Variants in RGPD1 observed in about 807,000 individuals in gnomAD.
The protein encoded by RGPD1 is RANBP2-like and GRIP domain-containing protein 1.
In RGPD1, 7 loss-of-function variants were observed where a neutral mutation model predicts 40.6. That is an observed-to-expected ratio of 0.17 (90% CI 0.10 to 0.32). RGPD1 has a LOEUF of 0.32. Among genes scored for constraint, RGPD1 ranks in the 10% least tolerant of loss-of-function variants. The pLI is 1.00. For missense variants in RGPD1, 50 were observed against 472.5 expected, an observed-to-expected ratio of 0.11 and a Z score of 8.29; for synonymous variants, 24 against 167.0, an observed-to-expected ratio of 0.14 and a Z score of 6.60.
chr2:86,913,697 A>G (rs1024097942), upstream of RGPD1: 237 of 1,326,746 alleles, frequency 1.8e-4, 2 homozygotes, highest in Non-Finnish European at 2.2e-4. Context: ...GACGTCGCCA[A>G]GGATACACAG....
chr2:86,944,883 C>T (rs1445759093), intron 1 of RGPD1, among the ~76,000 whole-genome samples: 3 of 151,378 alleles, frequency 2.0e-5, no homozygotes, highest in Admixed American at 6.6e-5. Flanking sequence ...CCACCATGCC[C>T]GGCTTTTTTC....
chr2:87,007,190 TTTG>T (rs201108203), intron 22 of RGPD1, among the ~76,000 whole-genome samples: 926 of 70,174 alleles, frequency 0.013, 2 homozygotes, highest in African/African-American at 0.036. Flanking sequence ...TTAATTTGTT[TTTG>T]TTGTTGTTGT....
chr2:86,929,333 C>T (rs564919703), intron 1 of RGPD1, among the ~76,000 whole-genome samples: 56 of 151,346 alleles, frequency 3.7e-4, no homozygotes, highest in African/African-American at 1.3e-3. Context: ...TCAGAGCGGC[C>T]GGAGAACTCT....
At chr2:86,942,575 G>T (rs1191014250) in intron 1 of RGPD1, among the ~76,000 whole-genome samples, 3 of 135,970 alleles carry the variant, frequency 2.2e-5, no homozygotes, top group Non-Finnish European at 1.6e-5. Flanking sequence ...CCCGGCGGCG[G>T]CCTCGATGGC....
rs1175704937 is a variant in RGPD1, at chr2:86,914,418, GGGCGGCGGC to G, written c.72+546_72+554del. On this transcript the variant is annotated intron_variant, in intron 1 of 22. Coordinates refer to the RGPD1 transcript ENST00000398193. ...CGGCGGCGGCGGCCTCGACCTGGCC[GGGCGGCGGC>G]GGCGGCGGCGGCGGCGGCGGCGGCG... is the stretch of plus-strand genomic sequence containing the variant. Among the ~76,000 whole-genome samples, 10 of 9,836 alleles carry G rather than the reference GGGCGGCGGC, an allele frequency of 1.0e-3. 1 individual carries two copies. Among genetic ancestry groups the G allele is most frequent in the Non-Finnish European group, 1.9e-3 (10 of 5,264 alleles). The allele number at this position is 9,836 out of a possible 152,430, so 6.5% of individuals were successfully genotyped here. A position where few individuals can be genotyped will look rare whatever the true frequency, so the allele number is the denominator to read the frequency against.
chr2:86,927,372 T>G (rs1170165287), intron 1 of RGPD1, among the ~76,000 whole-genome samples: 1 of 148,042 alleles, frequency 6.8e-6, no homozygotes, highest in African/African-American at 2.5e-5. Context: ...GAAGACTCTT[T>G]TTTTCCCCCA....
intron 1 of RGPD1, among the ~76,000 whole-genome samples, chr2:86,927,158 T>C (rs1678569899): frequency 6.6e-6 from 1 of 151,904 alleles, no homozygotes; most frequent in Non-Finnish European, 1.5e-5. Flanking sequence ...TGGAGTACAC[T>C]TTTTGCTCCA....
At position 87,013,415 on chromosome 2, in the gene RGPD1, G is replaced by C. The variant is rs371201886; in HGVS notation, c.*868G>C. ...TGGCCATCATAGAGCTCACATTCTA[G>C]TGGAATCAGACAGGGGGGTTACAGG... On this transcript the variant is annotated 3_prime_UTR_variant, in exon 23 of 23. Coordinates refer to ENST00000641458, the MANE Select transcript of RGPD1 (RefSeq NM_001382344.1). The C allele has an allele frequency of 5.7e-5, 8 of 140,094 alleles. No individual in the cohort carries two copies. The East Asian group carries it at 8.8e-4, about 15-fold the overall frequency. The allele number at this position is 140,094 out of a possible 1,614,324, so 8.7% of individuals were successfully genotyped here. A position where few individuals can be genotyped will look rare whatever the true frequency, so the allele number is the denominator to read the frequency against.
At chr2:86,941,924 C>G (rs1363150710), upstream of RGPD1, among the ~76,000 whole-genome samples, 1 of 151,896 alleles carries the variant, frequency 6.6e-6, no homozygotes, top group Admixed American at 6.6e-5. Context: ...GTTGGCCAGG[C>G]TGGTCTCCAA....
intron 22 of RGPD1, among the ~76,000 whole-genome samples, chr2:86,998,079 T>TA (rs1379324634): frequency 3.6e-4 from 5 of 13,756 alleles, no homozygotes; most frequent in Admixed American, 1.8e-3. Context: ...TTCTACTTTT[T>TA]AAAAAACATT....
At chr2:86,955,105 A>G (rs1253153510) in intron 4 of RGPD1, among the ~76,000 whole-genome samples, 1 of 7,604 alleles carries the variant, frequency 1.3e-4, no homozygotes, top group African/African-American at 3.4e-4. Flanking sequence ...GGTTCAAGCA[A>G]TTCTCCTGCC....
At chr2:86,962,529 AAAAAG>A (rs1680991041) in intron 6 of RGPD1, among the ~76,000 whole-genome samples, 1 of 124,228 alleles carries the variant, frequency 8.0e-6, no homozygotes, top group Non-Finnish European at 1.6e-5. Flanking sequence ...AAAAAAAAAA[AAAAAG>A]ACAATTTATT....
chr2:86,956,077 T>G (rs1260356721), intron 4 of RGPD1, among the ~76,000 whole-genome samples: 2 of 146,764 alleles, frequency 1.4e-5, no homozygotes, highest in African/African-American at 5.1e-5. Context: ...GCAAAGTAAT[T>G]CCATTTCTCC....
At chr2:86,945,306 A>G (rs1157081255) in intron 1 of RGPD1, among the ~76,000 whole-genome samples, 1 of 152,138 alleles carries the variant, frequency 6.6e-6, no homozygotes, top group Non-Finnish European at 1.5e-5. Context: ...ATATGGATTA[A>G]CTAGTGAGTA....
At chr2:86,915,012 C>G (rs554789508) in intron 1 of RGPD1, among the ~76,000 whole-genome samples, 3 of 149,660 alleles carry the variant, frequency 2.0e-5, no homozygotes, top group African/African-American at 7.3e-5. Context: ...TATGGACATG[C>G]CTGCTGGGCA....
intron 22 of RGPD1, among the ~76,000 whole-genome samples, chr2:87,009,017 G>A (rs1273974304): frequency 6.7e-6 from 1 of 150,150 alleles, no homozygotes; most frequent in African/African-American, 2.5e-5. Context: ...AAGAAAAAGA[G>A]AAAGAAAGCC....
rs1230637817 is a variant in RGPD1, at chr2:86,942,322, G to A, written c.72+14G>A. On this transcript the variant is annotated intron_variant, in intron 1 of 22. Transcript: ENST00000641458. The stretch of plus-strand genomic sequence containing the variant: ...TCGCCTGGAAAGGTGAGTGGATCTC[G>A]AAGAGACCGACGGCCTCGACCTGGC... 2.0e-6 allele frequency: 3 copies of A among 1,533,600 alleles called. No individual in the cohort carries two copies. The highest frequency in any genetic ancestry group is 2.4e-5 in the South Asian group (2 of 84,980). 95.0% of individuals were successfully genotyped at this position (1,533,600 alleles called of 1,614,324 possible). A position where few individuals can be genotyped will look rare whatever the true frequency, so the allele number is the denominator to read the frequency against.
intron 1 of RGPD1, among the ~76,000 whole-genome samples, chr2:86,922,865 G>A (rs1678128406): frequency 2.4e-5 from 3 of 124,932 alleles, no homozygotes; most frequent in Admixed American, 9.4e-5. Context: ...ATTTTCTATG[G>A]TCTTTAATGA....
At chr2:87,010,854 T>C (rs1281262230) in intron 22 of RGPD1, among the ~76,000 whole-genome samples, 25 of 69,722 alleles carry the variant, frequency 3.6e-4, no homozygotes, top group Non-Finnish European at 5.7e-4. Flanking sequence ...TGTGGTGAGC[T>C]GAGATCGCAC....
Sources: gnomAD v4.1 joint callset for allele counts (sites outside exome capture counted in the v4.1 genomes callset) on GRCh38, gnomAD v4.1.1 for gene constraint, MANE v1.5 for transcripts, NCBI Gene and HGNC (gene_info 2026-07-23, HGNC 2026-07-21) for gene names.